The following KALRN variants were observed in gnomAD, a reference collection of about 807,000 sequenced individuals.
KALRN encodes the protein kalirin RhoGEF kinase.
A neutral mutation model predicts 353.7 loss-of-function variants in KALRN; 70 were observed. That is an observed-to-expected ratio of 0.20 (90% confidence interval 0.16 to 0.24). KALRN has a LOEUF of 0.24. KALRN is among the 10% of genes least tolerant of loss of function. KALRN has a pLI of 1.00. For synonymous variants in KALRN, 1,391 were observed against 1,434.8 expected (o/e 0.97, Z 0.69); for missense variants, 2,791 against 3,756.7 (o/e 0.74, Z 6.72).
chr3:124,430,929 T>G (rs1433719770), intron 16 of KALRN, among the ~76,000 whole-genome samples, 154 bp downstream of exon 16: 3 of 152,230 alleles, frequency 2.0e-5, no homozygotes, highest in African/African-American at 7.2e-5. Context: ...ACCCAAGAGT[T>G]GATAGGGAAG....
intron 5 of KALRN, among the ~76,000 whole-genome samples, chr3:124,286,083 C>CTTCCT: frequency 1.9e-5 from 1 of 52,882 alleles, no homozygotes; most frequent in South Asian, 5.4e-4. Flanking sequence ...TCTTTCCTTC[C>CTTCCT]TTTCTTTCTT....
At chr3:124,694,215 G>A (rs916838940) in intron 52 of KALRN, 117 bp from the exon 53 acceptor site, 30 of 990,272 alleles carry the variant, frequency 3.0e-5, no homozygotes, top group Non-Finnish European at 4.5e-5. Context: ...TATACTGAAG[G>A]TTATTTGAAT....
chr3:124,541,799 G>A (rs1431289824), intron 33 of KALRN, among the ~76,000 whole-genome samples: 1 of 152,108 alleles, frequency 6.6e-6, no homozygotes, highest in Non-Finnish European at 1.5e-5. Context: ...GGCTGAGGCA[G>A]GAGAATTGCT....
intron 1 of KALRN, among the ~76,000 whole-genome samples, chr3:124,191,099 A>G (rs1321594727): frequency 2.6e-5 from 4 of 152,204 alleles, no homozygotes; most frequent in African/African-American, 9.7e-5. Flanking sequence ...AAACAGCCAG[A>G]TGGAAGAGAT....
In KALRN at chr3:124,340,142, A is replaced by C. The variant is rs80160551; in HGVS notation, c.1647+5647A>C. On this transcript the variant is annotated intron_variant, in intron 9 of 59. Transcript: ENST00000682506. Reference sequence around the variant, plus strand: ...GTGGAAATAAAACAACACCCAAACCAAGCAAATATGCCGTGTGTCATATGG... The same window carrying C: ...GTGGAAATAAAACAACACCCAAACCCAGCAAATATGCCGTGTGTCATATGG... 3.0e-3 allele frequency among the ~76,000 whole-genome samples: 455 copies of C among 152,326 alleles called. 17 individuals are homozygous for C. In the East Asian group the frequency reaches 0.076, roughly 25 times the overall value.
At chr3:124,123,061 C>T (rs1020167280) in intron 1 of KALRN, among the ~76,000 whole-genome samples, 2 of 151,962 alleles carry the variant, frequency 1.3e-5, no homozygotes, top group Admixed American at 6.6e-5. Flanking sequence ...ATTAGCCAGG[C>T]GTGGTGGCAC....
At chr3:124,652,855 G>T (rs561664885) in intron 38 of KALRN, among the ~76,000 whole-genome samples, 4 of 152,198 alleles carry the variant, frequency 2.6e-5, no homozygotes, top group Non-Finnish European at 4.4e-5. Context: ...GGGATTACAG[G>T]CGTGAGCCAC....
chr3:124,589,871 C>T (rs915883833), intron 34 of KALRN, among the ~76,000 whole-genome samples: 8 of 152,082 alleles, frequency 5.3e-5, no homozygotes, highest in African/African-American at 1.9e-4. Context: ...GTTTCGCATC[C>T]CACAAATACA....
At chr3:124,165,574 C>G (rs944194362) in intron 1 of KALRN, among the ~76,000 whole-genome samples, 1 of 152,214 alleles carries the variant, frequency 6.6e-6, no homozygotes, top group African/African-American at 2.4e-5. Flanking sequence ...CACACTGCTC[C>G]TTCTTTGCGT....
At chr3:124,596,643 A>G (rs1185845148) in intron 34 of KALRN, among the ~76,000 whole-genome samples, 1 of 152,260 alleles carries the variant, frequency 6.6e-6, no homozygotes, top group Non-Finnish European at 1.5e-5. Flanking sequence ...GATGAAGACC[A>G]TGGAATCTCT....
intron 34 of KALRN, among the ~76,000 whole-genome samples, chr3:124,620,850 A>G (rs899072819): frequency 1.2e-4 from 19 of 152,214 alleles, no homozygotes; most frequent in Non-Finnish European, 2.2e-4. Context: ...CCCGAGGTCG[A>G]GGAGACCTTG....
At chr3:124,330,904 A>G (rs9879566) in intron 8 of KALRN, among the ~76,000 whole-genome samples, 71,891 of 152,054 alleles carry the variant, frequency 0.47, 18,444 homozygotes, top group African/African-American at 0.67. Context: ...GAATCAGAAT[A>G]TCAAGAAGTG....
At chr3:124,393,535 A>G (rs2089767224) in intron 11 of KALRN, among the ~76,000 whole-genome samples, 1 of 152,250 alleles carries the variant, frequency 6.6e-6, no homozygotes, top group South Asian at 2.1e-4. Flanking sequence ...AATAAACTGA[A>G]CTAATTACAA....
At chr3:124,629,326 G>T (rs376000452) in intron 34 of KALRN, among the ~76,000 whole-genome samples, 7 of 151,958 alleles carry the variant, frequency 4.6e-5, no homozygotes, top group African/African-American at 1.2e-4. Context: ...TTCCTCCTTC[G>T]CAGGGCTGTG....
intron 1 of KALRN, among the ~76,000 whole-genome samples, chr3:124,054,123 A>G (rs1303476807): frequency 6.6e-6 from 1 of 152,180 alleles, no homozygotes; most frequent in Admixed American, 6.5e-5. Flanking sequence ...GCAACAGGAA[A>G]ACCCTAGGCT....
chr3:124,552,967 T>C (rs1196557679), intron 33 of KALRN, among the ~76,000 whole-genome samples: 1 of 152,182 alleles, frequency 6.6e-6, no homozygotes, highest in Non-Finnish European at 1.5e-5. Flanking sequence ...GGTTTCACCA[T>C]GTTGACCAGG....
rs1433419695 is a variant in KALRN, at chr3:124,723,080, T to A, written c.*3610T>A. ...GGTAATGTTGGAGATATCCTTCAGG[T>A]CTCTCTCAGCCATAAACAATGTAAG... On this transcript the variant is annotated 3_prime_UTR_variant, in exon 60 of 60. Coordinates refer to ENST00000682506, the MANE Select transcript of KALRN (RefSeq NM_001388419.1). The A allele has an allele frequency of 6.6e-6, 1 of 152,140 alleles. No individual in the cohort carries two copies. The highest frequency in any genetic ancestry group is 6.6e-5 in the Admixed American group (1 of 15,266). 9.4% of individuals were successfully genotyped at this position (152,140 alleles called of 1,614,324 possible).
At chr3:124,499,140 T>A (rs115998597) in intron 33 of KALRN, among the ~76,000 whole-genome samples, 1,528 of 152,248 alleles carry the variant, frequency 0.01, 23 homozygotes, top group African/African-American at 0.035. Context: ...AGTTTCCCTG[T>A]CTGGCTGAGT....
At chr3:124,646,391 CTTTTTTT>C (rs10673161) in intron 37 of KALRN, among the ~76,000 whole-genome samples, 2 of 110,492 alleles carry the variant, frequency 1.8e-5, no homozygotes, top group East Asian at 6.9e-4. Context: ...CTTTTGTTTA[CTTTTTTT>C]TTTTTTTTTT....
Sources: allele counts gnomAD v4.1 joint callset (sites outside exome capture counted in the v4.1 genomes callset), GRCh38; gene constraint gnomAD v4.1.1; transcripts MANE v1.5; gene names NCBI Gene and HGNC (gene_info 2026-07-23, HGNC 2026-07-21).